The following SKAP1 variants were observed in gnomAD, a reference collection of about 807,000 sequenced individuals.
The protein encoded by SKAP1 is src kinase associated phosphoprotein 1, also known as src kinase-associated phosphoprotein 1.
In SKAP1, 44 loss-of-function variants were observed where a neutral mutation model predicts 58.5. The observed-to-expected ratio is 0.75, with a 90% confidence interval of 0.59 to 0.97. SKAP1 has a LOEUF of 0.97. SKAP1 is among the 50% of genes least tolerant of loss of function. The pLI is 0.00. For synonymous variants in SKAP1, 127 were observed against 149.7 expected, an observed-to-expected ratio of 0.85 and a Z score of 1.11; for missense variants, 390 against 435.2, an observed-to-expected ratio of 0.90 and a Z score of 0.92.
At chr17:48,264,869 T>G (rs1320110899) in intron 4 of SKAP1, among the ~76,000 whole-genome samples, 1 of 152,026 alleles carries the variant, frequency 6.6e-6, no homozygotes, top group Non-Finnish European at 1.5e-5. Flanking sequence ...GGATAAGTGA[T>G]GAGCTATGCT....
At chr17:48,369,999 C>T (rs190107850) in intron 2 of SKAP1, among the ~76,000 whole-genome samples, 52 of 152,150 alleles carry the variant, frequency 3.4e-4, no homozygotes, top group Middle Eastern at 3.4e-3. Context: ...TATGACAAGC[C>T]CTTTGCCCAG....
intron 2 of SKAP1, among the ~76,000 whole-genome samples, chr17:48,365,123 T>C (rs571514909): frequency 3.3e-5 from 5 of 152,224 alleles, no homozygotes; most frequent in Non-Finnish European, 7.4e-5. Flanking sequence ...TTTTTTGTTT[T>C]TGTTTTTGTT....
chr17:48,398,273 C>T (rs1261311621), intron 1 of SKAP1, among the ~76,000 whole-genome samples: 1 of 152,040 alleles, frequency 6.6e-6, no homozygotes, highest in Admixed American at 6.6e-5. Flanking sequence ...CTTATAGGAG[C>T]ACAAACCCTA....
chr17:48,365,641 C>T (rs1244225599), intron 2 of SKAP1, among the ~76,000 whole-genome samples: 2 of 152,228 alleles, frequency 1.3e-5, no homozygotes, highest in African/African-American at 4.8e-5. Context: ...TGCCCACTCA[C>T]TCAACATCCT....
At chr17:48,293,117 T>A (rs1389639200) in intron 4 of SKAP1, among the ~76,000 whole-genome samples, 1 of 152,196 alleles carries the variant, frequency 6.6e-6, no homozygotes, top group East Asian at 1.9e-4. Context: ...GTTTTCAATA[T>A]AATATATTAA....
intron 2 of SKAP1, among the ~76,000 whole-genome samples, chr17:48,388,749 C>T (rs2067309481): frequency 6.6e-6 from 1 of 152,120 alleles, no homozygotes; most frequent in Non-Finnish European, 1.5e-5. Context: ...TTTTTGATGG[C>T]TTGGCTAGAT....
intron 4 of SKAP1, among the ~76,000 whole-genome samples, chr17:48,238,440 G>T (rs1304366759): frequency 6.6e-6 from 1 of 151,786 alleles, no homozygotes; most frequent in Non-Finnish European, 1.5e-5. Flanking sequence ...TCATTCTGTG[G>T]CCCAAGCTGG....
At chr17:48,362,150 C>T (rs990466489) in intron 3 of SKAP1, among the ~76,000 whole-genome samples, 3 of 152,186 alleles carry the variant, frequency 2.0e-5, no homozygotes, top group African/African-American at 7.2e-5. Flanking sequence ...TTTCACTTGT[C>T]TCCTTGGCTG....
At chr17:48,394,221 T>TA (rs2067386612) in intron 2 of SKAP1, among the ~76,000 whole-genome samples, 1 of 152,068 alleles carries the variant, frequency 6.6e-6, no homozygotes, top group African/African-American at 2.4e-5. Context: ...AGACTCTGTC[T>TA]AAAAAAGCGA....
chr17:48,224,390 T>C (rs1347833928), intron 4 of SKAP1, among the ~76,000 whole-genome samples: 1 of 152,210 alleles, frequency 6.6e-6, no homozygotes, highest in Non-Finnish European at 1.5e-5. Flanking sequence ...GCAGGTCCTT[T>C]AAACTGGAGA....
chr17:48,394,711 A>G (rs1333267228), intron 2 of SKAP1, among the ~76,000 whole-genome samples: 1 of 152,152 alleles, frequency 6.6e-6, no homozygotes, highest in African/African-American at 2.4e-5. Context: ...TTTGGGGGAC[A>G]TATAACTGCC....
chr17:48,186,989 C>T (rs904354746), intron 6 of SKAP1, among the ~76,000 whole-genome samples: 7 of 152,178 alleles, frequency 4.6e-5, no homozygotes, highest in African/African-American at 1.7e-4. Flanking sequence ...AGGAAAGCCC[C>T]AAGAAGAATT....
At chr17:48,258,419 C>T (rs1434852467) in intron 4 of SKAP1, among the ~76,000 whole-genome samples, 1 of 152,040 alleles carries the variant, frequency 6.6e-6, no homozygotes, top group Non-Finnish European at 1.5e-5. Context: ...GTGGATTCAC[C>T]AAGCACACAG....
At chr17:48,300,487 G>T (rs2066042866) in intron 4 of SKAP1, among the ~76,000 whole-genome samples, 1 of 152,090 alleles carries the variant, frequency 6.6e-6, no homozygotes, top group Admixed American at 6.5e-5. Flanking sequence ...TTCAGGACTG[G>T]GTCCTGGTGT....
At chr17:48,238,213 C>A (rs552326513) in intron 4 of SKAP1, among the ~76,000 whole-genome samples, 2 of 152,026 alleles carry the variant, frequency 1.3e-5, no homozygotes, top group African/African-American at 4.8e-5. Context: ...AGGCTGGTCT[C>A]GAACTCCTGG....
rs1314136220 is a variant in SKAP1, at chr17:48,303,330, C to G, written c.280+42575G>C. ...AGTATGGTTTTCTCTTTTGAAGGCT[C>G]TCTATCCCTAGATATTCTAGTTCAA... On this transcript the variant is annotated intron_variant, in intron 4 of 12. Transcript: ENST00000336915. 3.9e-5 allele frequency among the ~76,000 whole-genome samples: 6 copies of G among 152,310 alleles called. No individual in the cohort carries two copies. In the South Asian group the frequency reaches 1.2e-3, roughly 32 times the overall value.
intron 1 of SKAP1, among the ~76,000 whole-genome samples, chr17:48,416,347 T>A (rs182310124): frequency 6.6e-6 from 1 of 151,896 alleles, no homozygotes; most frequent in East Asian, 1.9e-4. Flanking sequence ...TGGAAAAGGG[T>A]AGAGGGATAG....
chr17:48,392,261 G>T (rs1197302954), intron 2 of SKAP1, among the ~76,000 whole-genome samples: 2 of 152,122 alleles, frequency 1.3e-5, no homozygotes, highest in Admixed American at 1.3e-4. Context: ...AGAGCTATAG[G>T]TTAGCCACCC....
At chr17:48,170,713 T>A in intron 9 of SKAP1, 54 bp from the exon 10 acceptor site, 1 of 376,610 alleles carries the variant, frequency 2.7e-6, no homozygotes, top group Non-Finnish European at 4.0e-6. Flanking sequence ...TCTCATGTTC[T>A]TTTTTTTTTT....
Sources: gnomAD v4.1 joint callset for allele counts (sites outside exome capture counted in the v4.1 genomes callset) on GRCh38, gnomAD v4.1.1 for gene constraint, MANE v1.5 for transcripts, NCBI Gene and HGNC (gene_info 2026-07-23, HGNC 2026-07-21) for gene names.